The following PPA2 variants were observed in gnomAD, a reference collection of about 807,000 sequenced individuals.
PPA2 encodes inorganic pyrophosphatase 2.
Under a neutral mutation model 49.5 loss-of-function variants are expected in PPA2, and 48 were observed. That is an observed-to-expected ratio of 0.97 (90% CI 0.77 to 1.23). PPA2 has a LOEUF of 1.23. Ranked by LOEUF, PPA2 falls within the 50% of genes most tolerant of loss-of-function variation. The pLI is 0.00. For synonymous variants in PPA2, 131 were observed against 139.9 expected (o/e 0.94, Z 0.45); for missense variants, 429 against 410.1 (o/e 1.05, Z -0.40).
intron 9 of PPA2, among the ~76,000 whole-genome samples, chr4:105,390,312 G>C (rs920048683): frequency 2.0e-5 from 3 of 152,164 alleles, no homozygotes; most frequent in Non-Finnish European, 2.9e-5. Flanking sequence ...ATTGGTAAGT[G>C]GGATCTAATC....
At chr4:105,411,623 T>G (rs578205041) in intron 7 of PPA2, among the ~76,000 whole-genome samples, 33 of 152,276 alleles carry the variant, frequency 2.2e-4, no homozygotes, top group Middle Eastern at 3.4e-3. Context: ...TAAAGGGTAT[T>G]CGATAAGGAA....
At chr4:105,439,436 T>C (rs577484792) in intron 5 of PPA2, among the ~76,000 whole-genome samples, 125 of 152,306 alleles carry the variant, frequency 8.2e-4, no homozygotes, top group Non-Finnish European at 1.6e-3. Context: ...GTAACTTTCC[T>C]AGAGAGGTTC....
chr4:105,398,806 G>C, intron 8 of PPA2: 1 of 333,004 alleles, frequency 3.0e-6, no homozygotes, highest in South Asian at 7.4e-5. Flanking sequence ...CCAAGACGTA[G>C]GAGCTATAGA....
chr4:105,403,685 A>G (rs533814661), intron 7 of PPA2, among the ~76,000 whole-genome samples: 3 of 152,128 alleles, frequency 2.0e-5, no homozygotes, highest in Non-Finnish European at 4.4e-5. Flanking sequence ...ACTTTGGTTT[A>G]TGTTTCTATA....
chr4:105,411,512 C>T (rs985768613), intron 7 of PPA2, among the ~76,000 whole-genome samples: 1 of 152,160 alleles, frequency 6.6e-6, no homozygotes, highest in Admixed American at 6.5e-5. Flanking sequence ...TGGAAGCATT[C>T]CCCTGGAAAA....
chr4:105,394,518 A>G (rs998041893), intron 9 of PPA2, among the ~76,000 whole-genome samples: 1 of 152,128 alleles, frequency 6.6e-6, no homozygotes, highest in African/African-American at 2.4e-5. Context: ...AACAATACAT[A>G]TTTTATAGGA....
chr4:105,461,755 A>T (rs1394967230), intron 1 of PPA2, among the ~76,000 whole-genome samples: 1 of 152,224 alleles, frequency 6.6e-6, no homozygotes, highest in Non-Finnish European at 1.5e-5. Context: ...GCATTAAGCA[A>T]TATGTATTTA....
At chr4:105,393,597 C>T (rs2636703) in intron 9 of PPA2, among the ~76,000 whole-genome samples, 56,215 of 148,838 alleles carry the variant, frequency 0.38, 12,455 homozygotes, top group East Asian at 0.68. Context: ...AAAACATATA[C>T]GTTTAGATTC....
At chr4:105,445,267 C>T (rs1182097926) in intron 5 of PPA2, among the ~76,000 whole-genome samples, 2 of 152,198 alleles carry the variant, frequency 1.3e-5, no homozygotes, top group East Asian at 1.9e-4. Flanking sequence ...TTCCTACAGG[C>T]TGCATCCCCT....
intron 2 of PPA2, among the ~76,000 whole-genome samples, chr4:105,455,079 G>A (rs184251979): frequency 1.3e-5 from 2 of 152,102 alleles, no homozygotes; most frequent in East Asian, 1.9e-4. Flanking sequence ...TTGTTTTATG[G>A]TTGACTCCTC....
intron 10 of PPA2, among the ~76,000 whole-genome samples, chr4:105,374,858 CTTTT>C (rs377243001): frequency 7.6e-6 from 1 of 131,830 alleles, no homozygotes; most frequent in Non-Finnish European, 1.6e-5. Context: ...TTTCTTTTTT[CTTTT>C]TTTTTTTTTT....
intron 5 of PPA2, among the ~76,000 whole-genome samples, chr4:105,444,786 C>G (rs1459027541): frequency 1.3e-5 from 2 of 152,040 alleles, no homozygotes; most frequent in Non-Finnish European, 2.9e-5. Flanking sequence ...TTGATTGCCC[C>G]AATCAGACTA....
intron 1 of PPA2, among the ~76,000 whole-genome samples, chr4:105,467,171 A>T (rs751936948): frequency 1.3e-5 from 2 of 152,220 alleles, no homozygotes; most frequent in African/African-American, 4.8e-5. Flanking sequence ...TGCCCTGCTC[A>T]TGCCTGACTA....
At chr4:105,403,901 C>T (rs566010027) in intron 7 of PPA2, among the ~76,000 whole-genome samples, 1 of 149,958 alleles carries the variant, frequency 6.7e-6, no homozygotes, top group African/African-American at 2.5e-5. Context: ...ATTCTTTCTA[C>T]TCTTTTTTTT....
At chr4:105,381,896 TA>T (rs1173885487) in intron 10 of PPA2, among the ~76,000 whole-genome samples, 1 of 151,962 alleles carries the variant, frequency 6.6e-6, no homozygotes, top group Non-Finnish European at 1.5e-5. Context: ...TCTTCTAATA[TA>T]AAAAGTCAGA....
At chr4:105,386,661 T>C (rs757354189) in intron 9 of PPA2, 25 bp from the exon 10 acceptor site, 3 of 1,597,622 alleles carry the variant, frequency 1.9e-6, no homozygotes, top group African/African-American at 1.3e-5. Flanking sequence ...AGAATGTTAT[T>C]ATTAAACAGG....
At chr4:105,407,966 AAAATGGGGT>A (rs1286647259) in intron 7 of PPA2, among the ~76,000 whole-genome samples, 1 of 152,208 alleles carries the variant, frequency 6.6e-6, no homozygotes, top group Admixed American at 6.5e-5. Context: ...TTGGATACTT[AAAATGGGGT>A]GAATTTGACT....
intron 3 of PPA2, among the ~76,000 whole-genome samples, chr4:105,449,648 T>C (rs1264918993): frequency 6.6e-6 from 1 of 152,210 alleles, no homozygotes; most frequent in Non-Finnish European, 1.5e-5. Flanking sequence ...AGTCTGAGAA[T>C]ATCTTTGATG....
chr4:105,463,989 GCACT>G, intron 1 of PPA2, among the ~76,000 whole-genome samples: 1 of 152,178 alleles, frequency 6.6e-6, no homozygotes, highest in Admixed American at 6.5e-5. Context: ...CCCTATTGGG[GCACT>G]GCCTAGTGGA....
Sources: allele counts gnomAD v4.1 joint callset (sites outside exome capture counted in the v4.1 genomes callset), GRCh38; gene constraint gnomAD v4.1.1; transcripts MANE v1.5; gene names NCBI Gene and HGNC (gene_info 2026-07-23, HGNC 2026-07-21).